The following ARHGAP32 variants were observed in gnomAD, a reference collection of about 807,000 sequenced individuals.
The protein encoded by ARHGAP32 is Rho GTPase activating protein 32.
In ARHGAP32, 51 loss-of-function variants were observed where a neutral mutation model predicts 186.5. The observed-to-expected ratio is 0.27, with a 90% confidence interval of 0.22 to 0.35. The LOEUF is 0.35. Among genes scored for constraint, ARHGAP32 ranks in the 10% least tolerant of loss-of-function variants. The pLI is 1.00. For synonymous variants in ARHGAP32, 950 were observed against 964.3 expected, an observed-to-expected ratio of 0.99 and a Z score of 0.27; for missense variants, 2,186 against 2,623.5, an observed-to-expected ratio of 0.83 and a Z score of 3.64.
At chr11:129,041,391 C>T (rs1939586409) in intron 10 of ARHGAP32, among the ~76,000 whole-genome samples, 1 of 151,636 alleles carries the variant, frequency 6.6e-6, no homozygotes, top group Non-Finnish European at 1.5e-5. Flanking sequence ...ACCTCTGTTG[C>T]CAACTTATGT....
chr11:129,200,753 T>C (rs1944446998), intron 1 of ARHGAP32, among the ~76,000 whole-genome samples: 3 of 152,152 alleles, frequency 2.0e-5, no homozygotes, highest in East Asian at 3.8e-4. Context: ...AAACAATGCA[T>C]ATAATGAAAC....
chr11:129,262,586 G>A (rs1307306450), intron 1 of ARHGAP32, among the ~76,000 whole-genome samples: 1 of 151,882 alleles, frequency 6.6e-6, no homozygotes, highest in Non-Finnish European at 1.5e-5. Flanking sequence ...GGTTTCACCA[G>A]GGGGTTTCAC....
intron 6 of ARHGAP32, among the ~76,000 whole-genome samples, chr11:129,087,024 C>T (rs572522449): frequency 6.6e-6 from 1 of 152,096 alleles, no homozygotes; most frequent in African/African-American, 2.4e-5. Context: ...TTAGGGAATT[C>T]CAAATTAAAA....
At position 129,123,703 on chromosome 11, in the gene ARHGAP32, T is replaced by C. The variant is rs1187814791; in HGVS notation, c.360-173A>G. On this transcript the variant is annotated intron_variant, in intron 4 of 22. Transcript: ENST00000682385. This position sits in a 1 kb window ranked among gnomAD's most constrained non-coding sequence, Gnocchi z 4.6. ...CCTCTTAAAAATACACTGAGTCAGA[T>C]GAGTATTACATTTAGTGTACAGATC... 6.6e-6 allele frequency among the ~76,000 whole-genome samples: 1 copy of C among 152,144 alleles called. No individual in the cohort carries two copies. The highest frequency in any genetic ancestry group is 1.5e-5 in the Non-Finnish European group (1 of 68,004).
intron 1 of ARHGAP32, among the ~76,000 whole-genome samples, chr11:129,223,373 TTTTA>T (rs1306776669): frequency 1.3e-5 from 2 of 151,980 alleles, no homozygotes; most frequent in South Asian, 4.2e-4. Flanking sequence ...TGAAGAGTGC[TTTTA>T]TTTGTTTCTT....
chr11:129,261,050 G>C (rs1945314546), intron 1 of ARHGAP32, among the ~76,000 whole-genome samples: 1 of 151,514 alleles, frequency 6.6e-6, no homozygotes, highest in African/African-American at 2.4e-5. Flanking sequence ...GCCACCACAG[G>C]GTGCTAAACG....
At chr11:129,174,375 A>C (rs1372605365) in intron 1 of ARHGAP32, among the ~76,000 whole-genome samples, 4 of 152,190 alleles carry the variant, frequency 2.6e-5, no homozygotes, top group Non-Finnish European at 4.4e-5. Context: ...AGGGGCGCCC[A>C]CCATTGCCCA....
Position 128,966,575 on chromosome 11 carries a change from C to T in ARHGAP32, c.*2332G>A, listed in dbSNP as rs1460701091. The T allele has an allele frequency of 6.6e-6, 1 of 152,138 alleles. No homozygotes were observed. The highest frequency in any genetic ancestry group is 2.4e-5 in the African/African-American group (1 of 41,422). The allele number at this position is 152,138 out of a possible 1,614,324, so 9.4% of individuals were successfully genotyped here. The stretch of plus-strand genomic sequence containing the variant: ...AAATATTTACCTGATATTTCTAAAC[C>T]CACAGGACATTTATTAATAAAGAAA... On this transcript the variant is annotated 3_prime_UTR_variant, in exon 23 of 23. Coordinates refer to ENST00000682385, the MANE Select transcript of ARHGAP32 (RefSeq NM_001378024.1).
chr11:129,178,475 A>G (rs1943971510), intron 1 of ARHGAP32, among the ~76,000 whole-genome samples: 1 of 152,122 alleles, frequency 6.6e-6, no homozygotes, highest in East Asian at 1.9e-4. Flanking sequence ...AAAAGAGCCC[A>G]CAACGCCAAG....
chr11:129,271,043 A>C (rs1319702522), intron 1 of ARHGAP32, among the ~76,000 whole-genome samples: 1 of 152,184 alleles, frequency 6.6e-6, no homozygotes, highest in African/African-American at 2.4e-5. Flanking sequence ...GGAGCCTCAT[A>C]AGCGACCAAA....
At position 128,970,926 on chromosome 11, in the gene ARHGAP32, G is replaced by C. The variant is rs773000307; in HGVS notation, c.4287C>G (p.Pro1429=). The change falls in exon 23 of 23, where the codon CCC becomes CCG. Residue 1429 remains proline, a synonymous_variant. Coordinates refer to ENST00000682385, the MANE Select transcript of ARHGAP32 (RefSeq NM_001378024.1). This position sits in a 1 kb window ranked among gnomAD's most constrained non-coding sequence, Gnocchi z 5.8. ...HPCGFPAPLP[P]TRMMESKMIA... ...TCATCTTACTCTCCATCATCCTGGT[G>C]GGGGGCAGTGGTGCAGGAAAGCCAC... is the stretch of plus-strand genomic sequence containing the variant. 6.2e-6 allele frequency: 10 copies of C among 1,613,832 alleles called. No individual in the cohort carries two copies. Among genetic ancestry groups the C allele is most frequent in the African/African-American group, 4.0e-5 (3 of 74,914 alleles).
At chr11:129,138,234 C>G (rs1271173404) in intron 2 of ARHGAP32, among the ~76,000 whole-genome samples, 1 of 138,380 alleles carries the variant, frequency 7.2e-6, no homozygotes, top group South Asian at 2.4e-4. Context: ...ATTCATGTAA[C>G]AAGATCTGAG....
chr11:129,083,687 C>T (rs2135230682), intron 6 of ARHGAP32, among the ~76,000 whole-genome samples: 1 of 152,210 alleles, frequency 6.6e-6, no homozygotes, highest in South Asian at 2.1e-4. Flanking sequence ...TATAATCAAA[C>T]ACCACCGCTT....
chr11:129,045,968 T>C (rs1565394059), intron 10 of ARHGAP32, among the ~76,000 whole-genome samples: 1 of 152,218 alleles, frequency 6.6e-6, no homozygotes, highest in Non-Finnish European at 1.5e-5. Context: ...ACCTCCCTGT[T>C]GACTGTTTTC....
chr11:129,274,944 AG>A (rs1156843059), intron 1 of ARHGAP32, among the ~76,000 whole-genome samples: 3 of 151,958 alleles, frequency 2.0e-5, no homozygotes, highest in African/African-American at 7.2e-5. Context: ...CCAAAATAGA[AG>A]TGGTATTTAA....
At chr11:129,031,243 ATAG>A (rs1292926544) in intron 11 of ARHGAP32, among the ~76,000 whole-genome samples, 4 of 152,232 alleles carry the variant, frequency 2.6e-5, no homozygotes, top group African/African-American at 9.6e-5. Context: ...TTTAAATAAC[ATAG>A]TAAATAAACA....
chr11:129,164,368 T>C lies in ARHGAP32; in HGVS notation c.176A>G (p.Asn59Ser). Reference sequence around the variant, plus strand: ...ATCAGGCCGCTCTCGAGGGTGTACATTTCTATGTAGCTCTGGAACAAAATC... The same window carrying C: ...ATCAGGCCGCTCTCGAGGGTGTACACTTCTATGTAGCTCTGGAACAAAATC... ...EDDFVPELHR[N>S]VHPRERPDWE... The change falls in exon 2 of 23, where the codon AAT becomes AGT. Residue 59 changes from asparagine to serine, a missense_variant. Transcript: ENST00000682385. 1 of 1,584,602 alleles carries C rather than the reference T, an allele frequency of 6.3e-7. No individual in the cohort carries two copies. Among genetic ancestry groups the C allele is most frequent in the Non-Finnish European group, 8.6e-7 (1 of 1,163,860 alleles).
chr11:129,133,508 G>A (rs1239323215), intron 2 of ARHGAP32, among the ~76,000 whole-genome samples: 2 of 152,134 alleles, frequency 1.3e-5, no homozygotes, highest in African/African-American at 4.8e-5. Flanking sequence ...AGTATTCTGA[G>A]AGCATCCAGA....
chr11:129,153,772 A>G (rs1003569870), intron 2 of ARHGAP32, among the ~76,000 whole-genome samples: 2 of 152,212 alleles, frequency 1.3e-5, no homozygotes, highest in Admixed American at 6.5e-5. Flanking sequence ...ACCTAAAACC[A>G]TAAAAATTTA....
Sources: allele counts gnomAD v4.1 joint callset (sites outside exome capture counted in the v4.1 genomes callset), GRCh38; gene constraint gnomAD v4.1.1; non-coding constraint Gnocchi (gnomAD v3.1); transcripts MANE v1.5; gene names NCBI Gene and HGNC (gene_info 2026-07-23, HGNC 2026-07-21).